Variants in SLC24A4 observed in about 807,000 individuals in gnomAD.
SLC24A4 encodes the protein solute carrier family 24 member 4.
SLC24A4 carries 53 observed loss-of-function variants against 79.0 expected under a neutral mutation model. The observed-to-expected ratio is 0.67, with a 90% CI of 0.54 to 0.84. The LOEUF (loss-of-function observed/expected upper bound fraction) is 0.84, where lower values mean the gene tolerates loss of function less well. Ranked by LOEUF, SLC24A4 falls within the 40% of genes least tolerant of loss-of-function variation. SLC24A4 has a pLI of 0.00. For missense variants in SLC24A4, 731 were observed against 822.0 expected (o/e 0.89, Z 1.35); for synonymous variants, 323 against 323.8 (o/e 1.00, Z 0.03).
At chr14:92,433,420 T>G (rs1270327065) in intron 2 of SLC24A4, among the ~76,000 whole-genome samples, 1 of 152,160 alleles carries the variant, frequency 6.6e-6, no homozygotes, top group African/African-American at 2.4e-5. Flanking sequence ...GATGTGTAAG[T>G]TTTAGTGTGG....
intron 12 of SLC24A4, among the ~76,000 whole-genome samples, chr14:92,469,130 A>G (rs1480614629): frequency 4.6e-5 from 7 of 152,150 alleles, no homozygotes; most frequent in African/African-American, 1.7e-4. Context: ...TAGAATGGGT[A>G]TAATCCAGAA....
chr14:92,429,999 T>C (rs1050614013), intron 2 of SLC24A4, among the ~76,000 whole-genome samples: 1 of 152,216 alleles, frequency 6.6e-6, no homozygotes, highest in Admixed American at 6.5e-5. Flanking sequence ...CTCTTGGTCG[T>C]CTGTTTACTT....
chr14:92,433,178 C>A (rs1891968623), intron 2 of SLC24A4, among the ~76,000 whole-genome samples: 2 of 151,984 alleles, frequency 1.3e-5, no homozygotes, highest in South Asian at 4.1e-4. Context: ...GTGCCCTAAA[C>A]AGGATCTGTG....
At chr14:92,464,583 AT>A (rs202108861) in intron 12 of SLC24A4, among the ~76,000 whole-genome samples, 2 of 143,032 alleles carry the variant, frequency 1.4e-5, no homozygotes, top group East Asian at 4.2e-4. Flanking sequence ...AAAACCCAGC[AT>A]CCCCCAGCCC....
At chr14:92,491,417 A>G (rs1167713990) in intron 14 of SLC24A4, among the ~76,000 whole-genome samples, 1 of 152,218 alleles carries the variant, frequency 6.6e-6, no homozygotes, top group Non-Finnish European at 1.5e-5. Flanking sequence ...AAATAAAGCC[A>G]CATTCTTAGG....
intron 2 of SLC24A4, among the ~76,000 whole-genome samples, chr14:92,351,407 C>T (rs1190858282): frequency 6.6e-6 from 1 of 152,106 alleles, no homozygotes; most frequent in Non-Finnish European, 1.5e-5. Flanking sequence ...TTTTCACATC[C>T]ATAAAAAACC....
intron 2 of SLC24A4, among the ~76,000 whole-genome samples, chr14:92,370,137 T>G (rs1888069607): frequency 6.6e-6 from 1 of 152,240 alleles, no homozygotes; most frequent in Admixed American, 6.5e-5. Flanking sequence ...AATTGTATCC[T>G]TCTGGTAAGA....
intron 2 of SLC24A4, among the ~76,000 whole-genome samples, chr14:92,416,124 T>G (rs1032224728): frequency 4.7e-5 from 4 of 85,022 alleles, no homozygotes; most frequent in African/African-American, 3.5e-4. Flanking sequence ...GTGTGTGTGG[T>G]GTGTGTGTGT....
intron 2 of SLC24A4, among the ~76,000 whole-genome samples, chr14:92,347,153 T>C (rs931966480): frequency 2.6e-5 from 4 of 152,252 alleles, no homozygotes; most frequent in African/African-American, 9.6e-5. Flanking sequence ...GGTTCTGATG[T>C]CAATCTCCTA....
rs66533065 is a variant in SLC24A4, at chr14:92,480,286, C to CTTTTTTTTTTTT, written c.1256-2387_1256-2376dup. 1.1e-3 allele frequency among the ~76,000 whole-genome samples: 68 copies of CTTTTTTTTTTTT among 63,126 alleles called. 16 individuals are homozygous for CTTTTTTTTTTTT. Among genetic ancestry groups the CTTTTTTTTTTTT allele is most frequent in the East Asian group, 4.2e-3 (8 of 1,912 alleles). 41.4% of individuals were successfully genotyped at this position (63,126 alleles called of 152,430 possible). On this transcript the variant is annotated intron_variant, in intron 12 of 16. Transcript: ENST00000532405. ...TTGGACATTGATTTGAGATCTTTCC[C>CTTTTTTTTTTTT]TTTTTTTTTTTTTTTTTTGAGATGG...
intron 2 of SLC24A4, among the ~76,000 whole-genome samples, chr14:92,392,505 C>G (rs1210890505): frequency 6.6e-6 from 1 of 152,020 alleles, no homozygotes; most frequent in African/African-American, 2.4e-5. Context: ...AGCTTCTCAT[C>G]TCTGCATCGT....
intron 12 of SLC24A4, among the ~76,000 whole-genome samples, chr14:92,467,189 T>C (rs188802057): frequency 6.6e-6 from 1 of 152,238 alleles, no homozygotes; most frequent in Non-Finnish European, 1.5e-5. Context: ...GGTTTTCCTC[T>C]TTATAAAATG....
At chr14:92,469,045 A>T (rs544147940) in intron 12 of SLC24A4, among the ~76,000 whole-genome samples, 54 of 152,202 alleles carry the variant, frequency 3.5e-4, no homozygotes, top group Non-Finnish European at 6.5e-4. Flanking sequence ...GTATGCAAAG[A>T]TGCTCACATC....
rs191546346 is a variant in SLC24A4, at chr14:92,448,432, C to T, written c.738-642C>T. Among the ~76,000 whole-genome samples, 422 of 150,438 alleles carry T rather than the reference C, an allele frequency of 2.8e-3. 5 individuals carry two copies. Among genetic ancestry groups the T allele is most frequent in the East Asian group, 0.027 (136 of 5,086 alleles). On this transcript the variant is annotated intron_variant, in intron 9 of 16. Coordinates refer to ENST00000532405, the MANE Select transcript of SLC24A4 (RefSeq NM_153646.4). ...TTCAGGTTCATCTTCCTCCTCATAC[C>T]GCGATACGTAATTAAAAAGACAACA...
In SLC24A4 at chr14:92,491,753, C is replaced by T. The variant is rs1310788590; in HGVS notation, c.1626C>T (p.Thr542=). The T allele has an allele frequency of 8.1e-6, 13 of 1,613,530 alleles. 1 individual carries two copies. The South Asian group carries it at 1.4e-4, about 18-fold the overall frequency. Residue 542 remains threonine, a synonymous_variant, in exon 15 of 17, where the codon ACC becomes ACT. Transcript: ENST00000532405. ...TTGGTGTACCGTGGGGCCTGCAGAC[C>T]ATGGTTGTTAATTATGGATCAACAG... The part of the protein sequence containing the change: ...VGLGVPWGLQ[T]MVVNYGSTVK...
At chr14:92,461,142 T>C (rs1016033066) in intron 12 of SLC24A4, among the ~76,000 whole-genome samples, 1 of 152,156 alleles carries the variant, frequency 6.6e-6, no homozygotes, top group Non-Finnish European at 1.5e-5. Context: ...TTGTGGCGCA[T>C]AGTCTGGGGA....
At chr14:92,401,421 T>C (rs369119417) in intron 2 of SLC24A4, among the ~76,000 whole-genome samples, 1 of 152,192 alleles carries the variant, frequency 6.6e-6, no homozygotes, top group African/African-American at 2.4e-5. Context: ...CTTGGCATCC[T>C]GTGGGCTAGT....
At chr14:92,341,620 G>T (rs1461642501) in intron 2 of SLC24A4, among the ~76,000 whole-genome samples, 2 of 152,196 alleles carry the variant, frequency 1.3e-5, no homozygotes, top group Non-Finnish European at 2.9e-5. Context: ...CTGGGGCATT[G>T]TCAGACCTGG....
intron 2 of SLC24A4, among the ~76,000 whole-genome samples, chr14:92,370,748 T>C (rs1262114292): frequency 6.6e-6 from 1 of 152,124 alleles, no homozygotes; most frequent in African/African-American, 2.4e-5. Context: ...ACAAGCCCAT[T>C]AAGTCCTCAG....
Sources: gnomAD v4.1 joint callset for allele counts (sites outside exome capture counted in the v4.1 genomes callset) on GRCh38, gnomAD v4.1.1 for gene constraint, MANE v1.5 for transcripts, NCBI Gene and HGNC (gene_info 2026-07-23, HGNC 2026-07-21) for gene names.